RPS6KC1: variants seen among roughly 807,000 people sequenced by gnomAD.
RPS6KC1 encodes ribosomal protein S6 kinase C1, also known as inactive ribosomal protein S6 kinase delta-1.
RPS6KC1 carries 54 observed loss-of-function variants against 103.8 expected under a neutral mutation model. The observed-to-expected ratio is 0.52, with a 90% CI of 0.42 to 0.65. RPS6KC1 has a LOEUF of 0.65. Ranked by LOEUF, RPS6KC1 falls within the 30% of genes least tolerant of loss-of-function variation. The pLI, the probability that RPS6KC1 is intolerant of heterozygous loss-of-function variation, is 0.00. For synonymous variants in RPS6KC1, 439 were observed against 438.7 expected, an observed-to-expected ratio of 1.00 and a Z score of -0.01; for missense variants, 1,151 against 1,253.8, an observed-to-expected ratio of 0.92 and a Z score of 1.24.
At chr1:213,593,162 G>A in the RPS6KC1 span, among the ~76,000 whole-genome samples, 1 of 151,856 alleles carries the variant, frequency 6.6e-6, no homozygotes, top group African/African-American at 2.4e-5. Flanking sequence ...CGAGGTGGAA[G>A]GTGACAGAGT....
intron 7 of RPS6KC1, among the ~76,000 whole-genome samples, chr1:213,169,674 G>C (rs1363517670): frequency 6.6e-6 from 1 of 151,836 alleles, no homozygotes; most frequent in Non-Finnish European, 1.5e-5. Context: ...TTTCATTTTG[G>C]GGGGGCATTG....
the RPS6KC1 span, among the ~76,000 whole-genome samples, chr1:213,316,808 A>G: frequency 6.6e-6 from 1 of 152,216 alleles, no homozygotes; most frequent in East Asian, 1.9e-4. Flanking sequence ...ACATTGGAGT[A>G]GACACAGAAA....
chr1:213,785,047 T>G, the RPS6KC1 span, among the ~76,000 whole-genome samples: 2 of 152,230 alleles, frequency 1.3e-5, no homozygotes, highest in African/African-American at 4.8e-5. Flanking sequence ...ATCTGTGCCT[T>G]GCTCTGATGT....
At chr1:213,680,514 TG>T in the RPS6KC1 span, among the ~76,000 whole-genome samples, 4 of 152,182 alleles carry the variant, frequency 2.6e-5, no homozygotes, top group African/African-American at 7.2e-5. Flanking sequence ...CTGTCAGAAC[TG>T]ATCAATGAAT....
At chr1:213,053,185 G>A (rs1222910907) in intron 1 of RPS6KC1, among the ~76,000 whole-genome samples, 1 of 152,164 alleles carries the variant, frequency 6.6e-6, no homozygotes, top group Non-Finnish European at 1.5e-5. Flanking sequence ...CTAACACATA[G>A]TGTATGGAAT....
chr1:213,431,105 A>G, the RPS6KC1 span, among the ~76,000 whole-genome samples: 3 of 152,160 alleles, frequency 2.0e-5, no homozygotes, highest in Non-Finnish European at 4.4e-5. Flanking sequence ...GTGTGGCTGC[A>G]ATTATTTCTT....
the RPS6KC1 span, among the ~76,000 whole-genome samples, chr1:213,458,268 A>G: frequency 6.6e-6 from 1 of 152,146 alleles, no homozygotes; most frequent in Non-Finnish European, 1.5e-5. Context: ...TTCTGTTCCT[A>G]CATTAATTCG....
At chr1:213,368,822 C>T in the RPS6KC1 span, among the ~76,000 whole-genome samples, 147 of 152,296 alleles carry the variant, frequency 9.7e-4, no homozygotes, top group Non-Finnish European at 1.6e-3. Context: ...TCTCAGCCTG[C>T]GGCCTGCAAT....
the RPS6KC1 span, among the ~76,000 whole-genome samples, chr1:213,297,908 T>G: frequency 6.6e-6 from 1 of 152,376 alleles, no homozygotes; most frequent in African/African-American, 2.4e-5. Context: ...TAAGCTACCA[T>G]GCAGGGCCCT....
At chr1:213,199,064 A>G (rs2093056792) in intron 8 of RPS6KC1, among the ~76,000 whole-genome samples, 1 of 152,232 alleles carries the variant, frequency 6.6e-6, no homozygotes, top group African/African-American at 2.4e-5. Context: ...CTACAGATGT[A>G]CAAAGAAGAG....
At chr1:213,619,668 A>G in the RPS6KC1 span, among the ~76,000 whole-genome samples, 3 of 152,356 alleles carry the variant, frequency 2.0e-5, no homozygotes, top group South Asian at 2.1e-4. Context: ...GGTATGGCCT[A>G]TAGACCAATA....
chr1:213,486,537 G>T, the RPS6KC1 span, among the ~76,000 whole-genome samples: 8 of 152,144 alleles, frequency 5.3e-5, no homozygotes, highest in Non-Finnish European at 1.2e-4. Context: ...GGCAAAGAAA[G>T]GTGATGTTTG....
At chr1:213,800,690 C>A in the RPS6KC1 span, among the ~76,000 whole-genome samples, 1 of 152,136 alleles carries the variant, frequency 6.6e-6, no homozygotes, top group Non-Finnish European at 1.5e-5. Flanking sequence ...TGATGGTATC[C>A]TGGTCATAAG....
chr1:213,446,567 T>C, the RPS6KC1 span, among the ~76,000 whole-genome samples: 7 of 152,316 alleles, frequency 4.6e-5, no homozygotes, highest in South Asian at 1.5e-3. Flanking sequence ...TAATCTTTAC[T>C]TAAAGTCAGC....
In RPS6KC1 at chr1:213,104,503, C is replaced by G. The variant is rs748588160; in HGVS notation, c.312C>G (p.Asp104Glu). ...VIEERRQCAE[D>E]LLQFSANIPA... is the part of the protein sequence containing the mutation. The stretch of plus-strand genomic sequence containing the variant: ...AAGAGAGAAGACAATGTGCTGAAGA[C>G]CTGCTACAGTTCTCTGCCAATATTC... The change falls in exon 4 of 15, where the codon GAC becomes GAG. Residue 104 changes from aspartate to glutamate, a missense_variant. Asp to Glu is a conservative substitution (Grantham distance 45). This residue lies in a region of RPS6KC1 where 959 missense variants were observed against 1,006.3 expected (regional missense o/e 0.95). Coordinates refer to ENST00000366960, the MANE Select transcript of RPS6KC1 (RefSeq NM_012424.6). 3 of 1,612,790 alleles carry G rather than the reference C, an allele frequency of 1.9e-6. No individual in the cohort carries two copies. Among genetic ancestry groups the G allele is most frequent in the Non-Finnish European group, 2.5e-6 (3 of 1,179,162 alleles).
the RPS6KC1 span, among the ~76,000 whole-genome samples, chr1:213,667,055 G>A: frequency 4.2e-4 from 64 of 152,320 alleles, no homozygotes; most frequent in Non-Finnish European, 8.2e-4. Context: ...GTGGGCAAAC[G>A]AAACAGGTTT....
intron 4 of RPS6KC1, among the ~76,000 whole-genome samples, chr1:213,111,675 TA>T (rs1224832808): frequency 1.3e-5 from 2 of 152,176 alleles, no homozygotes; most frequent in Non-Finnish European, 2.9e-5. Flanking sequence ...TTGCATGAAA[TA>T]TGTAAAATAA....
At chr1:213,435,619 A>G in the RPS6KC1 span, among the ~76,000 whole-genome samples, 2 of 152,166 alleles carry the variant, frequency 1.3e-5, no homozygotes, top group Non-Finnish European at 2.9e-5. Context: ...TGAGTACTCT[A>G]CCTGATGCCC....
chr1:213,647,961 A>AC, the RPS6KC1 span, among the ~76,000 whole-genome samples: 2 of 152,110 alleles, frequency 1.3e-5, no homozygotes, highest in Non-Finnish European at 2.9e-5. Context: ...GTCAACCTGG[A>AC]CCCCACTACT....
Sources: allele counts gnomAD v4.1 joint callset (sites outside exome capture counted in the v4.1 genomes callset), GRCh38; gene constraint gnomAD v4.1.1; regional missense constraint gnomAD v4.1.1; transcripts MANE v1.5; gene names NCBI Gene and HGNC (gene_info 2026-07-23, HGNC 2026-07-21).